Variants in SLC12A4 observed in about 807,000 individuals in gnomAD.
The protein encoded by SLC12A4 is solute carrier family 12 member 4.
A neutral mutation model predicts 119.2 loss-of-function variants in SLC12A4; 84 were observed. The ratio of observed to expected loss-of-function variants is 0.70; its 90% CI spans 0.59 to 0.85. The LOEUF (loss-of-function observed/expected upper bound fraction) is 0.85, where lower values mean the gene tolerates loss of function less well. SLC12A4 is among the 40% of genes least tolerant of loss of function. The pLI, the probability that SLC12A4 is intolerant of heterozygous loss-of-function variation, is 0.00. For synonymous variants in SLC12A4, 599 were observed against 604.6 expected (o/e 0.99, Z 0.14); for missense variants, 1,298 against 1,476.3 (o/e 0.88, Z 1.98).
Position 67,951,251 on chromosome 16 carries a change from G to T in SLC12A4, c.1186C>A (p.Leu396Met). The change falls in exon 9 of 24, where the codon CTG becomes ATG. Residue 396 changes from leucine (L) to methionine (M), a missense_variant. Leu to Met is a conservative substitution (Grantham distance 15). Transcript: ENST00000316341. The surrounding 1 kb of genome is among the most constrained non-coding windows in gnomAD (Gnocchi z 5.2). ...EKGDIVEKHG[L>M]PSADAPSLKE... ...AGGCTCGGGGCATCTGCGGAGGGCA[G>T]CCCATGCTTCTCCACGATGTCACCC... 6.2e-7 allele frequency: 1 copy of T among 1,614,104 alleles called. No homozygotes were observed. Among genetic ancestry groups the T allele is most frequent in the Non-Finnish European group, 8.5e-7 (1 of 1,179,990 alleles).
chr16:67,963,804 G>C (rs1269588685), intron 1 of SLC12A4: 1 of 1,314,698 alleles, frequency 7.6e-7, no homozygotes, highest in African/African-American at 1.5e-5. Context: ...AGGTGAGGGC[G>C]CAGGCGCCCT....
Position 67,947,001 on chromosome 16 carries a change from A to G in SLC12A4, c.2177T>C (p.Ile726Thr), listed in dbSNP as rs1161788912. The change falls in exon 17 of 24, where the codon ATT becomes ACT. Residue 726 changes from isoleucine (I) to threonine (T), a missense_variant. Coordinates refer to ENST00000316341, the MANE Select transcript of SLC12A4 (RefSeq NM_005072.5). ...GCTCCCCTGGATGACAGAACCAACA[A>G]TGGTCAGGCCCTTGCCAGCCTTGAG... ...SQLKAGKGLT[I>T]VGSVIQGSFL... 2 of 1,613,106 alleles carry G rather than the reference A, an allele frequency of 1.2e-6. No homozygotes were observed. The highest frequency in any genetic ancestry group is 1.7e-5 in the Admixed American group (1 of 60,020).
chr16:67,964,378 C>G (rs1367340246), intron 1 of SLC12A4, among the ~76,000 whole-genome samples: 1 of 152,160 alleles, frequency 6.6e-6, no homozygotes, highest in African/African-American at 2.4e-5. Context: ...TTCAATAAGC[C>G]TGCCTCAACT....
intron 14 of SLC12A4, 119 bp from the exon 15 acceptor site, chr16:67,947,907 G>C: frequency 6.7e-7 from 1 of 1,481,570 alleles, no homozygotes; most frequent in Admixed American, 1.9e-5. Flanking sequence ...GGGTGGTCAG[G>C]TCACTGGGTG....
Position 67,946,501 on chromosome 16 carries a change from C to T in SLC12A4, c.2374G>A (p.Val792Met), listed in dbSNP as rs143223194. 2.1e-5 allele frequency: 34 copies of T among 1,609,322 alleles called. No homozygotes were observed. In the African/African-American group the frequency reaches 4.3e-4, roughly 20 times the overall value. ...GLGGMRHNSV[V>M]LGWPYGWRQS... ...CGCCAGCCGTAGGGCCAGCCCAGCA[C>T]CACGGAGTTATGCCGCATGCCTCCC... Residue 792 changes from valine to methionine, a missense_variant, in exon 18 of 24, where the codon GTG (valine) becomes ATG (methionine). By Grantham distance (21) the Val-to-Met change is conservative (BLOSUM62 1). Transcript: ENST00000316341.
At position 67,961,621 on chromosome 16, in the gene SLC12A4, T is replaced by G. The variant is rs772851271; in HGVS notation, c.296A>C (p.His99Pro). 2 of 1,614,146 alleles carry G rather than the reference T, an allele frequency of 1.2e-6. No individual in the cohort carries two copies. The highest frequency in any genetic ancestry group is 2.2e-5 in the South Asian group (2 of 91,090). ...GCCCTCCCCACTCTCGGCCTCCTCA[T>G]GCTCTTTGGCGCCCTGGGTGAGGTT... The part of the protein sequence containing the change: ...YTNLTQGAKE[H>P]EEAESGEGTR... The change falls in exon 3 of 24, where the codon CAT becomes CCT. Residue 99 changes from histidine to proline, a missense_variant. By Grantham distance (77) the His-to-Pro change is moderately conservative. Transcript: ENST00000316341.
intron 3 of SLC12A4, among the ~76,000 whole-genome samples, chr16:67,961,100 A>G (rs921269901): frequency 3.3e-5 from 5 of 151,952 alleles, no homozygotes; most frequent in Non-Finnish European, 7.4e-5. Flanking sequence ...GCATAGTTAC[A>G]TATCCCACAA....
chr16:67,963,679 G>T, intron 1 of SLC12A4, 120 bp from the exon 2 acceptor site: 1 of 860,442 alleles, frequency 1.2e-6, no homozygotes, highest in Non-Finnish European at 1.8e-6. Flanking sequence ...GTGTCACCAG[G>T]TTGCAACTCA....
Position 67,944,781 on chromosome 16 carries a change from CCACAG to C in SLC12A4, c.*54_*58del, listed in dbSNP as rs2058321083. On this transcript the variant is annotated 3_prime_UTR_variant, in exon 24 of 24. Transcript: ENST00000316341. This position sits in a 1 kb window ranked among gnomAD's most constrained non-coding sequence, Gnocchi z 6.6. ...GCTGGGAAGAGGCTGTTACCCCAGA[CCACAG>C]CTTGTTATGTCCTGGCCAAGACCTC... 6.3e-7 allele frequency: 1 copy of C among 1,590,150 alleles called. No individual in the cohort carries two copies. The highest frequency in any genetic ancestry group is 1.1e-5 in the South Asian group (1 of 89,188).
chr16:67,946,290 T>G lies in SLC12A4; in HGVS notation c.2488A>C (p.Asn830His). The G allele has an allele frequency of 1.2e-6, 2 of 1,613,046 alleles. No individual in the cohort carries two copies. Among genetic ancestry groups the G allele is most frequent in the Non-Finnish European group, 1.7e-6 (2 of 1,180,006 alleles). ...AAHLALLVPK[N>H]IAFYPSNHER... ...TGGTTGCTGGGGTAGAAGGCGATGT[T>G]CTTGGGCACGAGCAGGGCCAGGTGG... The change falls in exon 19 of 24, where the codon AAC becomes CAC. Residue 830 changes from asparagine to histidine, a missense_variant. Coordinates refer to ENST00000316341, the MANE Select transcript of SLC12A4 (RefSeq NM_005072.5).
Position 67,946,936 on chromosome 16 carries a change from C to A in SLC12A4, c.2241+1G>T, listed in dbSNP as rs373047021. ...CAGCTCTCCCTCCCCAAAGCAAGTACCTGCTCGGCGGCCTGAGCCTCGCCA... is the reference window on the plus strand; with the variant it reads ...CAGCTCTCCCTCCCCAAAGCAAGTAACTGCTCGGCGGCCTGAGCCTCGCCA... On this transcript the variant is annotated splice_donor_variant, in intron 17 of 23. Coordinates refer to ENST00000316341, the MANE Select transcript of SLC12A4 (RefSeq NM_005072.5). LOFTEE classifies it high-confidence loss of function. 2 of 1,612,444 alleles carry A rather than the reference C, an allele frequency of 1.2e-6. No individual in the cohort carries two copies. The highest frequency in any genetic ancestry group is 2.7e-5 in the African/African-American group (2 of 74,952).
rs191096966 is a variant in SLC12A4 at position 67,966,944 on chromosome 16, A to C, written c.115+1495T>G. 6.8e-4 allele frequency: 961 copies of C among 1,411,936 alleles called. 3 individuals carry two copies. Among genetic ancestry groups the C allele is most frequent in the South Asian group, 1.5e-3 (105 of 68,188 alleles). The allele number at this position is 1,411,936 out of a possible 1,614,324, so 87.5% of individuals were successfully genotyped here. A position where few individuals can be genotyped will look rare whatever the true frequency, so the allele number is the denominator to read the frequency against. On this transcript the variant is annotated intron_variant, in intron 1 of 23. Transcript: ENST00000316341. ...GCCAAGGCGTGGCCAAGGTGGGGCC[A>C]GCAGCTAGGCTCAGCTCTGCCTGCC...
chr16:67,946,621 T>C lies in SLC12A4; in HGVS notation c.2254A>G (p.Met752Val). 1 of 1,612,420 alleles carries C rather than the reference T, an allele frequency of 6.2e-7. No homozygotes were observed. The highest frequency in any genetic ancestry group is 8.5e-7 in the Non-Finnish European group (1 of 1,179,380). ...AQAAEQTIKN[M>V]MEIEKVKGFC... is the part of the protein sequence containing the mutation. ...CCCTTCACCTTCTCAATTTCCATCA[T>C]GTTCTTGATGGTCTGTGGGGAACAC... Residue 752 changes from methionine to valine, a missense_variant, in exon 18 of 24, where the codon ATG (methionine) becomes GTG (valine). Coordinates refer to ENST00000316341, the MANE Select transcript of SLC12A4 (RefSeq NM_005072.5).
In SLC12A4 at chr16:67,944,206, T is replaced by A; in HGVS notation, c.*634A>T. The A allele has an allele frequency of 6.8e-7, 1 of 1,468,458 alleles. No homozygotes were observed. Among genetic ancestry groups the A allele is most frequent in the Non-Finnish European group, 9.1e-7 (1 of 1,103,942 alleles). The allele number at this position is 1,468,458 out of a possible 1,614,324, so 91.0% of individuals were successfully genotyped here. A position where few individuals can be genotyped will look rare whatever the true frequency, so the allele number is the denominator to read the frequency against. On this transcript the variant is annotated 3_prime_UTR_variant, in exon 24 of 24. Transcript: ENST00000316341. This position sits in a 1 kb window ranked among gnomAD's most constrained non-coding sequence, Gnocchi z 6.6. ...CCAGTGGGAGGGACGGCCTGGCCAG[T>A]GGGGGTTGTGGCCAGAGATTGCCGG... is the stretch of plus-strand genomic sequence containing the variant.
chr16:67,944,528 C>T lies in SLC12A4; in HGVS notation c.*312G>A. 1 of 1,280,842 alleles carries T rather than the reference C, an allele frequency of 7.8e-7. No individual in the cohort carries two copies. The highest frequency in any genetic ancestry group is 1.5e-5 in the African/African-American group (1 of 67,270). 79.3% of individuals were successfully genotyped at this position (1,280,842 alleles called of 1,614,324 possible). A position where few individuals can be genotyped will look rare whatever the true frequency, so the allele number is the denominator to read the frequency against. On this transcript the variant is annotated 3_prime_UTR_variant, in exon 24 of 24. Transcript: ENST00000316341. This position sits in a 1 kb window ranked among gnomAD's most constrained non-coding sequence, Gnocchi z 6.6. The stretch of plus-strand genomic sequence containing the variant: ...AACAATAAATATGCAATAAATAGCG[C>T]TCCTGGGCTGGGCCGGGCCGGCTGC...
In SLC12A4 at chr16:67,947,455, T is replaced by C; in HGVS notation, c.1968-20A>G. Reference sequence around the variant, plus strand: ...TCAGCCCTGCAGATTCCACCACAGCTGGTGAGCCCCTGGTGCCGCCCAGGG... The same window carrying C: ...TCAGCCCTGCAGATTCCACCACAGCCGGTGAGCCCCTGGTGCCGCCCAGGG... On this transcript the variant is annotated intron_variant, in intron 15 of 23. Transcript: ENST00000316341. 1 of 1,607,492 alleles carries C rather than the reference T, an allele frequency of 6.2e-7. No individual in the cohort carries two copies. Among genetic ancestry groups the C allele is most frequent in the Non-Finnish European group, 8.5e-7 (1 of 1,176,832 alleles).
Position 67,950,792 on chromosome 16 carries a change from C to T in SLC12A4, c.1397-81G>A. 6.5e-7 allele frequency: 1 copy of T among 1,533,172 alleles called. No individual in the cohort carries two copies. Among genetic ancestry groups the T allele is most frequent in the African/African-American group, 1.4e-5 (1 of 72,674 alleles). 95.0% of individuals were successfully genotyped at this position (1,533,172 alleles called of 1,614,324 possible). A position where few individuals can be genotyped will look rare whatever the true frequency, so the allele number is the denominator to read the frequency against. Reference sequence around the variant, plus strand: ...ACCACGTGCCCCCACCCCAGCCAGACTACCAGGACACCTACAGCTGGGAGT... The same window carrying T: ...ACCACGTGCCCCCACCCCAGCCAGATTACCAGGACACCTACAGCTGGGAGT... On this transcript the variant is annotated intron_variant, in intron 10 of 23. Transcript: ENST00000316341. The surrounding 1 kb of genome is among the most constrained non-coding windows in gnomAD (Gnocchi z 4.3).
rs1301360685 is a variant in SLC12A4 at position 67,943,557 on chromosome 16, C to T, written c.*1283G>A. The T allele has an allele frequency of 1.2e-5, 6 of 502,778 alleles. No homozygotes were observed. The highest frequency in any genetic ancestry group is 2.1e-5 in the South Asian group (1 of 47,918). The allele number at this position is 502,778 out of a possible 1,614,324, so 31.1% of individuals were successfully genotyped here. A position where few individuals can be genotyped will look rare whatever the true frequency, so the allele number is the denominator to read the frequency against. ...CATGGGGGCTGGGCCTAATAGGGGC[C>T]GGGCATGGATGGGCCTCTCCTGCTC... On this transcript the variant is annotated 3_prime_UTR_variant, in exon 24 of 24. Coordinates refer to ENST00000316341, the MANE Select transcript of SLC12A4 (RefSeq NM_005072.5). This position sits in a 1 kb window ranked among gnomAD's most constrained non-coding sequence, Gnocchi z 4.6.
At chr16:67,964,271 G>A (rs1031914082) in intron 1 of SLC12A4, among the ~76,000 whole-genome samples, 1 of 152,206 alleles carries the variant, frequency 6.6e-6, no homozygotes. Context: ...CGCAGATCCC[G>A]CCGCTTGCCC....
Sources: allele counts gnomAD v4.1 joint callset (sites outside exome capture counted in the v4.1 genomes callset), GRCh38; gene constraint gnomAD v4.1.1; non-coding constraint Gnocchi (gnomAD v3.1); transcripts MANE v1.5; gene names NCBI Gene and HGNC (gene_info 2026-07-23, HGNC 2026-07-21).